THBS4: variants seen among roughly 807,000 people sequenced by gnomAD.
The protein encoded by THBS4 is thrombospondin-4.
THBS4 carries 90 observed loss-of-function variants against 115.7 expected under a neutral mutation model. That is an observed-to-expected ratio of 0.78 (90% CI 0.66 to 0.93). THBS4 has a LOEUF of 0.93. Ranked by LOEUF, THBS4 falls within the 40% of genes least tolerant of loss-of-function variation. The pLI is 0.00. For missense variants in THBS4, 1,087 were observed against 1,232.7 expected, an observed-to-expected ratio of 0.88 and a Z score of 1.77; for synonymous variants, 460 against 479.3, an observed-to-expected ratio of 0.96 and a Z score of 0.53.
Position 80,059,673 on chromosome 5 carries a change from A to G in THBS4, c.785-30A>G, listed in dbSNP as rs376484642. On this transcript the variant is annotated intron_variant, in intron 6 of 21. Transcript: ENST00000350881. Reference sequence around the variant, plus strand: ...CTTCTGTATATCTTCCTGGCGGTGAATACGCCTGTGGATGATTGTTTTTCT... The same window carrying G: ...CTTCTGTATATCTTCCTGGCGGTGAGTACGCCTGTGGATGATTGTTTTTCT... 16 of 1,611,454 alleles carry G rather than the reference A, an allele frequency of 9.9e-6. No homozygotes were observed. In the African/African-American group the frequency reaches 1.3e-4, roughly 13 times the overall value.
At chr5:80,058,572 C>G in intron 4 of THBS4, 136 bp from the exon 5 acceptor site, 1 of 769,540 alleles carries the variant, frequency 1.3e-6, no homozygotes, top group Admixed American at 2.3e-5. Flanking sequence ...AAAGAAATTA[C>G]CCCAAATTAA....
rs372616232 is a variant in THBS4 at position 80,044,280 on chromosome 5, T to A, written c.292+4000T>A. Among the ~76,000 whole-genome samples the A allele has an allele frequency of 9.8e-5, 15 of 152,332 alleles. No homozygotes were observed. In the East Asian group the frequency reaches 2.1e-3, roughly 22 times the overall value. Reference sequence around the variant, plus strand: ...CTGCTGCAGCACCTAGCAAGGTGCCTTGTACATAGAAGTAGTTCATGGATA... The same window carrying A: ...CTGCTGCAGCACCTAGCAAGGTGCCATGTACATAGAAGTAGTTCATGGATA... On this transcript the variant is annotated intron_variant, in intron 2 of 21. Transcript: ENST00000350881.
intron 2 of THBS4, among the ~76,000 whole-genome samples, chr5:80,047,588 A>T (rs2112056886): frequency 6.6e-6 from 1 of 151,732 alleles, no homozygotes; most frequent in Non-Finnish European, 1.5e-5. Flanking sequence ...CAGGAGTATC[A>T]CTTGAGCCCA....
At chr5:80,021,161 T>C (rs1284007245) in intron 2 of THBS4, among the ~76,000 whole-genome samples, 2 of 152,160 alleles carry the variant, frequency 1.3e-5, no homozygotes, top group Non-Finnish European at 2.9e-5. Flanking sequence ...TCTCGAAATA[T>C]GGTCTGAGGA....
chr5:80,030,530 G>T (rs1832564890), upstream of THBS4, among the ~76,000 whole-genome samples: 1 of 152,084 alleles, frequency 6.6e-6, no homozygotes, highest in Non-Finnish European at 1.5e-5. Flanking sequence ...ACCATGCCTG[G>T]CTAATTGTTT....
intron 2 of THBS4, among the ~76,000 whole-genome samples, chr5:80,028,571 G>C (rs1832525192): frequency 6.6e-6 from 1 of 151,712 alleles, no homozygotes; most frequent in Non-Finnish European, 1.5e-5. Context: ...CGATTCTCCT[G>C]CCTCAGCCTC....
rs140765810 is a variant in THBS4, at chr5:79,998,814, A to G, written n.177+387A>G. ...AGAGCATTCAACCAGATGGCAGCTAAAAATGTGGACCATCTGCCTTCATGG... is the reference window on the plus strand; with the variant it reads ...AGAGCATTCAACCAGATGGCAGCTAGAAATGTGGACCATCTGCCTTCATGG... On this transcript the variant is annotated intron_variant and non_coding_transcript_variant, in intron 2 of 3. Coordinates refer to the THBS4 transcript ENST00000510218. Among the ~76,000 whole-genome samples the G allele has an allele frequency of 1.7e-3, 261 of 152,360 alleles. 1 individual carries two copies. The highest frequency in any genetic ancestry group is 6.8e-3 in the Middle Eastern group (2 of 294).
rs1436378229 is a variant in THBS4 at position 80,059,826 on chromosome 5, A to T, written c.908A>T (p.Asp303Val). 6.2e-7 allele frequency: 1 copy of T among 1,614,030 alleles called. No individual in the cohort carries two copies. Among genetic ancestry groups the T allele is most frequent in the Non-Finnish European group, 8.5e-7 (1 of 1,180,036 alleles). ...TGTTTCCGAGGTGTCCAATGTACCG[A>T]CAGTAGAGATGGCTTCCAGTGTGGG... ...NPCFRGVQCT[D>V]SRDGFQCGPC... Residue 303 changes from aspartate (D) to valine (V), a missense_variant, in exon 7 of 22, where the codon GAC becomes GTC. Transcript: ENST00000350881.
At chr5:80,005,910 G>A (rs573339294) in intron 2 of THBS4, among the ~76,000 whole-genome samples, 101 of 151,900 alleles carry the variant, frequency 6.6e-4, no homozygotes, top group African/African-American at 2.3e-3. Context: ...GGGACTACAG[G>A]TGTGCGCCAT....
chr5:80,033,759 T>A (rs1019912795), upstream of THBS4, among the ~76,000 whole-genome samples: 1 of 152,220 alleles, frequency 6.6e-6, no homozygotes, highest in Admixed American at 6.5e-5. Flanking sequence ...CCCTATTTTA[T>A]GTATCAGAGT....
At chr5:80,072,887 GACTC>G (rs1834120614) in intron 14 of THBS4, among the ~76,000 whole-genome samples, 1 of 152,168 alleles carries the variant, frequency 6.6e-6, no homozygotes, top group Non-Finnish European at 1.5e-5. Context: ...TGCCCTCTGT[GACTC>G]ACTCATGATT....
upstream of THBS4, chr5:80,033,235 G>C: frequency 2.2e-6 from 1 of 446,640 alleles, no homozygotes; most frequent in Non-Finnish European, 4.6e-6. Flanking sequence ...CACACGTCCA[G>C]ACTCTGGGCA....
chr5:80,020,366 C>T (rs1341376656), intron 2 of THBS4, among the ~76,000 whole-genome samples: 2 of 152,014 alleles, frequency 1.3e-5, no homozygotes, highest in African/African-American at 2.4e-5. Context: ...CCCAACTACT[C>T]GGGAGGCTGA....
In THBS4 at chr5:80,066,092, CT is replaced by C. The variant is rs1437024268; in HGVS notation, c.1194+616del. On this transcript the variant is annotated intron_variant, in intron 9 of 21. Transcript: ENST00000350881. ...CCTGGGCGACAGAGCAAGACTCCCT[CT>C]CAAAAAAAAAAAAAAAAAAAAACTT... 1.3e-4 allele frequency among the ~76,000 whole-genome samples: 14 copies of C among 111,526 alleles called. 1 individual carries two copies. The highest frequency in any genetic ancestry group is 4.0e-4 in the African/African-American group (12 of 29,632). The allele number at this position is 111,526 out of a possible 152,430, so 73.2% of individuals were successfully genotyped here.
chr5:79,995,690 A>G (rs2151147378), intron 1 of THBS4, among the ~76,000 whole-genome samples: 1 of 152,292 alleles, frequency 6.6e-6, no homozygotes, highest in Admixed American at 6.5e-5. Flanking sequence ...GGCATTGAAA[A>G]TGAGAGACAT....
At chr5:80,043,719 C>G (rs562594061) in intron 2 of THBS4, among the ~76,000 whole-genome samples, 87 of 152,292 alleles carry the variant, frequency 5.7e-4, no homozygotes, top group African/African-American at 2.0e-3. Context: ...AAGAGTTTGC[C>G]ACTGAGCTCT....
intron 10 of THBS4, 126 bp from the exon 11 acceptor site, chr5:80,070,180 C>G (rs1457133151): frequency 1.4e-6 from 1 of 693,072 alleles, no homozygotes; most frequent in African/African-American, 1.8e-5. Flanking sequence ...AAGCCCCACC[C>G]AACAAGGCTG....
intron 2 of THBS4, among the ~76,000 whole-genome samples, chr5:80,028,239 A>G (rs1832518798): frequency 6.6e-6 from 1 of 151,666 alleles, no homozygotes; most frequent in African/African-American, 2.4e-5. Context: ...TACCCTTACC[A>G]TCTCCACTTC....
intron 2 of THBS4, among the ~76,000 whole-genome samples, chr5:80,024,773 C>T (rs562937775): frequency 2.6e-5 from 4 of 152,258 alleles, no homozygotes; most frequent in South Asian, 2.1e-4. Flanking sequence ...GAAGGAAGTA[C>T]GTTAAATTAA....
Sources: allele counts gnomAD v4.1 joint callset (sites outside exome capture counted in the v4.1 genomes callset), GRCh38; gene constraint gnomAD v4.1.1; transcripts MANE v1.5; gene names NCBI Gene and HGNC (gene_info 2026-07-23, HGNC 2026-07-21).